The following SBF2 variants were observed in gnomAD, a reference collection of about 807,000 sequenced individuals.
SBF2 encodes the protein myotubularin-related protein 13.
A neutral mutation model predicts 225.2 loss-of-function variants in SBF2; 112 were observed. The ratio of observed to expected loss-of-function variants is 0.50; its 90% CI spans 0.43 to 0.58. The LOEUF is 0.58. SBF2 is among the 20% of genes least tolerant of loss of function. SBF2 has a pLI of 0.00. For synonymous variants in SBF2, 763 were observed against 773.3 expected, an observed-to-expected ratio of 0.99 and a Z score of 0.22; for missense variants, 1,996 against 2,206.2, an observed-to-expected ratio of 0.90 and a Z score of 1.91.
chr11:10,168,572 T>C (rs1956066520), intron 2 of SBF2, among the ~76,000 whole-genome samples: 1 of 152,210 alleles, frequency 6.6e-6, no homozygotes, highest in African/African-American at 2.4e-5. Flanking sequence ...GGTAGAACAA[T>C]ATTAATCCAG....
rs1267244936 is a variant in SBF2, at chr11:9,985,419, T to C, written c.1395+4078A>G. Among the ~76,000 whole-genome samples the C allele has an allele frequency of 2.0e-5, 3 of 152,098 alleles. No individual in the cohort carries two copies. The South Asian group carries it at 6.2e-4, about 32-fold the overall frequency. On this transcript the variant is annotated intron_variant, in intron 13 of 39. Transcript: ENST00000256190. ...CTTACTGCAACCTCTGCCTCTCAGG[T>C]TCAAGTGATTTTCCTGCCTCAGCTT...
intron 2 of SBF2, among the ~76,000 whole-genome samples, chr11:10,079,974 A>G (rs4366476): frequency 0.47 from 70,844 of 151,828 alleles, 16,921 homozygotes; most frequent in Admixed American, 0.57. Context: ...TGGGACAGGC[A>G]CGATGGCTCA....
At chr11:10,260,414 T>A (rs1271382652) in intron 1 of SBF2, among the ~76,000 whole-genome samples, 1 of 144,484 alleles carries the variant, frequency 6.9e-6, no homozygotes, top group Non-Finnish European at 1.6e-5. Context: ...TAAGACCCCA[T>A]CTCTACAAAA....
intron 29 of SBF2, among the ~76,000 whole-genome samples, chr11:9,814,274 C>A (rs1335901744): frequency 6.6e-6 from 1 of 152,162 alleles, no homozygotes; most frequent in Non-Finnish European, 1.5e-5. Context: ...GCCCAAATTA[C>A]TCTATTGGAC....
chr11:10,133,350 C>T (rs1261692302), intron 2 of SBF2, among the ~76,000 whole-genome samples: 2 of 149,600 alleles, frequency 1.3e-5, no homozygotes, highest in Non-Finnish European at 3.0e-5. Context: ...TGCCGTGGAG[C>T]AGGGGGTGGT....
intron 28 of SBF2, among the ~76,000 whole-genome samples, chr11:9,824,116 A>C (rs192626515): frequency 6.2e-4 from 94 of 152,350 alleles, no homozygotes; most frequent in Non-Finnish European, 1.2e-3. Context: ...AGGAGATTTT[A>C]ATCTGAAAAG....
chr11:10,011,824 T>C (rs998104031), intron 6 of SBF2, among the ~76,000 whole-genome samples: 1 of 152,214 alleles, frequency 6.6e-6, no homozygotes, highest in Non-Finnish European at 1.5e-5. Flanking sequence ...TGTGTCTACA[T>C]GGGGATTTTT....
chr11:10,239,127 G>A (rs1959175390), intron 1 of SBF2, among the ~76,000 whole-genome samples: 1 of 150,492 alleles, frequency 6.6e-6, no homozygotes, highest in Admixed American at 6.6e-5. Flanking sequence ...GTGTGTATAT[G>A]TATATCTGCA....
chr11:10,300,127 C>T (rs1591386123), intron 1 of SBF2, among the ~76,000 whole-genome samples: 1 of 152,186 alleles, frequency 6.6e-6, no homozygotes, highest in East Asian at 1.9e-4. Context: ...TCCCCCTAGT[C>T]TTGCTTTTTC....
intron 16 of SBF2, among the ~76,000 whole-genome samples, chr11:9,935,066 C>T (rs1404055683): frequency 6.6e-6 from 1 of 152,206 alleles, no homozygotes; most frequent in South Asian, 2.1e-4. Flanking sequence ...CCCATCGTCT[C>T]AGCCCAAAAT....
chr11:10,027,005 C>T (rs980725255), intron 6 of SBF2, among the ~76,000 whole-genome samples: 7 of 151,962 alleles, frequency 4.6e-5, no homozygotes, highest in Non-Finnish European at 8.8e-5. Flanking sequence ...GTGTACAACA[C>T]GATGTTTTGA....
intron 2 of SBF2, among the ~76,000 whole-genome samples, chr11:10,135,675 T>G (rs1325609297): frequency 6.6e-6 from 1 of 152,186 alleles, no homozygotes; most frequent in Non-Finnish European, 1.5e-5. Flanking sequence ...AAGAGTCACT[T>G]TTGCTCCAGT....
chr11:10,298,820 A>G (rs886547771), upstream of SBF2, among the ~76,000 whole-genome samples: 12 of 152,024 alleles, frequency 7.9e-5, no homozygotes, highest in South Asian at 2.1e-4. Context: ...CCTCACTGCC[A>G]CCCCACTAGT....
chr11:10,082,535 C>A (rs1015647553), intron 2 of SBF2, among the ~76,000 whole-genome samples: 2 of 152,082 alleles, frequency 1.3e-5, no homozygotes, highest in African/African-American at 4.8e-5. Context: ...GGATAATGCA[C>A]CATGATCAAG....
intron 1 of SBF2, among the ~76,000 whole-genome samples, chr11:10,288,530 G>A (rs1404375850): frequency 1.3e-5 from 2 of 152,042 alleles, no homozygotes; most frequent in Admixed American, 6.5e-5. Flanking sequence ...GCTATCAGCA[G>A]AGAGGGCAGC....
intron 17 of SBF2, among the ~76,000 whole-genome samples, chr11:9,892,802 G>A (rs1189805840): frequency 2.0e-5 from 3 of 151,890 alleles, no homozygotes; most frequent in Non-Finnish European, 4.4e-5. Context: ...CAGGTGATCC[G>A]CCCGCCTCGG....
intron 16 of SBF2, among the ~76,000 whole-genome samples, chr11:9,935,343 T>C (rs1864814753): frequency 6.6e-6 from 1 of 152,040 alleles, no homozygotes. Context: ...TGCTCATGGA[T>C]AGGAAGAACC....
At position 9,882,410 on chromosome 11, in the gene SBF2, T is replaced by C. The variant is rs904754104; in HGVS notation, c.1929+13533A>G. The stretch of plus-strand genomic sequence containing the variant: ...ATCCTAAATCACAGAAGGTATACAA[T>C]TGTCTAACTTCAGCAGATATCTGTA... On this transcript the variant is annotated intron_variant, in intron 17 of 39. Coordinates refer to ENST00000256190, the MANE Select transcript of SBF2 (RefSeq NM_030962.4). 2.0e-5 allele frequency among the ~76,000 whole-genome samples: 3 copies of C among 152,186 alleles called. No homozygotes were observed. The East Asian group carries it at 5.8e-4, about 29-fold the overall frequency.
At chr11:9,891,530 T>C (rs1323496893) in intron 17 of SBF2, among the ~76,000 whole-genome samples, 1 of 152,220 alleles carries the variant, frequency 6.6e-6, no homozygotes, top group Non-Finnish European at 1.5e-5. Context: ...CTGTGATTAC[T>C]CTGAAACAGA....
Sources: gnomAD v4.1 joint callset for allele counts (sites outside exome capture counted in the v4.1 genomes callset) on GRCh38, gnomAD v4.1.1 for gene constraint, MANE v1.5 for transcripts, NCBI Gene and HGNC (gene_info 2026-07-23, HGNC 2026-07-21) for gene names.